Variants in ANO1 observed in about 807,000 individuals in gnomAD.
ANO1 encodes the protein anoctamin-1.
A neutral mutation model predicts 124.0 loss-of-function variants in ANO1; 59 were observed. The ratio of observed to expected loss-of-function variants is 0.48; its 90% CI spans 0.39 to 0.59. The LOEUF (loss-of-function observed/expected upper bound fraction) is 0.59, where lower values mean the gene tolerates loss of function less well. Among genes scored for constraint, ANO1 ranks in the 20% least tolerant of loss-of-function variants. ANO1 has a pLI of 0.00. For synonymous variants in ANO1, 529 were observed against 532.0 expected (o/e 0.99, Z 0.08); for missense variants, 1,059 against 1,328.0 (o/e 0.80, Z 3.15).
At chr11:69,966,126 GC>G in the ANO1 span, among the ~76,000 whole-genome samples, 655 of 152,348 alleles carry the variant, frequency 4.3e-3, 1 homozygote, top group Non-Finnish European at 7.1e-3. Context: ...ACTCAGGGTG[GC>G]CCCGCAATGG....
At chr11:70,138,759 T>A (rs1248228187) in intron 11 of ANO1, among the ~76,000 whole-genome samples, 1 of 152,208 alleles carries the variant, frequency 6.6e-6, no homozygotes, top group Non-Finnish European at 1.5e-5. Flanking sequence ...TAACTTTTTT[T>A]TTTAGTTGCA....
intron 1 of ANO1, among the ~76,000 whole-genome samples, chr11:70,061,523 T>C (rs1287755863): frequency 6.9e-6 from 1 of 144,888 alleles, no homozygotes; most frequent in African/African-American, 2.5e-5. Flanking sequence ...CCTCCCTTTC[T>C]CTCTCTCTCC....
At chr11:70,144,527 G>T (rs1379555869) in intron 11 of ANO1, among the ~76,000 whole-genome samples, 2 of 152,220 alleles carry the variant, frequency 1.3e-5, no homozygotes, top group Non-Finnish European at 2.9e-5. Flanking sequence ...AGAGTCTTTC[G>T]CTCAACTGCT....
At chr11:70,031,084 A>C (rs1856992721) in intron 1 of ANO1, among the ~76,000 whole-genome samples, 1 of 152,138 alleles carries the variant, frequency 6.6e-6, no homozygotes, top group Admixed American at 6.5e-5. Flanking sequence ...AGCTGGGATT[A>C]CAGGCATGTG....
rs561373871 is a variant in ANO1 at position 70,096,142 on chromosome 11, C to A, written c.442-6924C>A. 3.9e-5 allele frequency among the ~76,000 whole-genome samples: 6 copies of A among 152,296 alleles called. No individual in the cohort carries two copies. The East Asian group carries it at 1.2e-3, about 29-fold the overall frequency. ...GCTTCGCTTGTCTGCTAGTCATTGACCTTTTATAATCTGTGGGGTTTCCCA... is the reference window on the plus strand; with the variant it reads ...GCTTCGCTTGTCTGCTAGTCATTGAACTTTTATAATCTGTGGGGTTTCCCA... On this transcript the variant is annotated intron_variant, in intron 2 of 25. Coordinates refer to ENST00000355303, the MANE Select transcript of ANO1 (RefSeq NM_018043.7).
the ANO1 span, among the ~76,000 whole-genome samples, chr11:69,974,887 T>C: frequency 5.5e-5 from 7 of 127,650 alleles, no homozygotes; most frequent in African/African-American, 1.6e-4. Context: ...CCTCCGTCTC[T>C]AAAAAAAAAA....
At chr11:70,175,694 G>A (rs186390718) in intron 22 of ANO1, among the ~76,000 whole-genome samples, 21 of 152,314 alleles carry the variant, frequency 1.4e-4, no homozygotes, top group Admixed American at 7.2e-4. Context: ...TGGTGGCCTC[G>A]CCAAGTACCT....
chr11:70,155,592 C>T (rs1022148637), intron 14 of ANO1, among the ~76,000 whole-genome samples: 2 of 152,210 alleles, frequency 1.3e-5, no homozygotes, highest in Non-Finnish European at 2.9e-5. Context: ...GTGACCTGCA[C>T]ATTTGGCCAC....
At chr11:70,036,943 G>T (rs534325904) in intron 1 of ANO1, among the ~76,000 whole-genome samples, 1 of 152,180 alleles carries the variant, frequency 6.6e-6, no homozygotes, top group Non-Finnish European at 1.5e-5. Context: ...TTTCTCTCCC[G>T]AGGCTGGGGC....
chr11:70,165,380 A>G lies in ANO1; in HGVS notation c.1951-90A>G. 3 of 1,100,846 alleles carry G rather than the reference A, an allele frequency of 2.7e-6. No homozygotes were observed. The Admixed American group carries it at 6.3e-5, about 23-fold the overall frequency. 68.2% of individuals were successfully genotyped at this position (1,100,846 alleles called of 1,614,324 possible). A position where few individuals can be genotyped will look rare whatever the true frequency, so the allele number is the denominator to read the frequency against. ...GTCTTTTTTTGGAGGACGCAGGTCA[A>G]CCCACAGCATGAGGGTGGGCCTCCC... On this transcript the variant is annotated intron_variant, in intron 19 of 25. Transcript: ENST00000355303.
chr11:70,066,737 G>T lies in ANO1; in HGVS notation c.59-11805G>T, dbSNP rs540034788. ...GACCCCCTTCAGCGGCAGGGATGCT[G>T]CCAGCTCCATCACCGTAACTCCACG... On this transcript the variant is annotated intron_variant, in intron 1 of 27. Transcript: ENST00000531349. Among the ~76,000 whole-genome samples, 34 of 152,230 alleles carry T rather than the reference G, an allele frequency of 2.2e-4. No individual in the cohort carries two copies. In the South Asian group the frequency reaches 6.4e-3, roughly 29 times the overall value.
At chr11:70,035,629 C>T (rs1035626491) in intron 1 of ANO1, among the ~76,000 whole-genome samples, 5 of 151,804 alleles carry the variant, frequency 3.3e-5, no homozygotes, top group Non-Finnish European at 5.9e-5. Flanking sequence ...ATCAACTCAT[C>T]ATCTAAGTTT....
chr11:70,085,232 G>C (rs776513666), intron 1 of ANO1, among the ~76,000 whole-genome samples: 1 of 152,272 alleles, frequency 6.6e-6, no homozygotes, highest in Admixed American at 6.5e-5. Flanking sequence ...ACAGACTTGC[G>C]ATACTGGGGT....
At chr11:70,038,659 GC>G (rs1284433902) in intron 1 of ANO1, among the ~76,000 whole-genome samples, 1 of 152,110 alleles carries the variant, frequency 6.6e-6, no homozygotes, top group Non-Finnish European at 1.5e-5. Context: ...TATTGCAGTG[GC>G]CCCCAGGGAG....
At chr11:70,093,730 G>A (rs377390624) in intron 2 of ANO1, among the ~76,000 whole-genome samples, 9 of 152,342 alleles carry the variant, frequency 5.9e-5, no homozygotes, top group South Asian at 4.1e-4. Flanking sequence ...GGCTGTCCCC[G>A]CAGCAGCATC....
At chr11:70,142,721 T>A (rs938879921) in intron 11 of ANO1, among the ~76,000 whole-genome samples, 2 of 152,184 alleles carry the variant, frequency 1.3e-5, no homozygotes, top group African/African-American at 4.8e-5. Context: ...ACAACAGGCA[T>A]GCATTTCCCA....
chr11:70,177,016 G>A (rs1354634928), intron 22 of ANO1, among the ~76,000 whole-genome samples: 1 of 152,164 alleles, frequency 6.6e-6, no homozygotes, highest in African/African-American at 2.4e-5. Context: ...AGACCTGTCA[G>A]GACAGGCTCC....
chr11:70,028,091 G>T (rs917204611), intron 1 of ANO1, among the ~76,000 whole-genome samples: 4 of 152,196 alleles, frequency 2.6e-5, no homozygotes, highest in Non-Finnish European at 4.4e-5. Flanking sequence ...AGAAGAAATA[G>T]ATCCGAATAA....
chr11:70,019,405 C>A (rs1856761988), intron 1 of ANO1, among the ~76,000 whole-genome samples: 1 of 152,094 alleles, frequency 6.6e-6, no homozygotes, highest in Non-Finnish European at 1.5e-5. Context: ...GGAAAGAAAG[C>A]AAGGAAACCG....
Sources: gnomAD v4.1 joint callset for allele counts (sites outside exome capture counted in the v4.1 genomes callset) on GRCh38, gnomAD v4.1.1 for gene constraint, MANE v1.5 for transcripts, NCBI Gene and HGNC (gene_info 2026-07-23, HGNC 2026-07-21) for gene names.